Variants in NTRK3 observed in about 807,000 individuals in gnomAD.
NTRK3 encodes neurotrophic receptor tyrosine kinase 3.
Under a neutral mutation model 91.7 loss-of-function variants are expected in NTRK3, and 24 were observed. The observed-to-expected ratio is 0.26, with a 90% CI of 0.19 to 0.37. The LOEUF (loss-of-function observed/expected upper bound fraction) is 0.37. Ranked by LOEUF, NTRK3 falls within the 10% of genes least tolerant of loss-of-function variation. The pLI is 1.00. For synonymous variants in NTRK3, 483 were observed against 404.0 expected, an observed-to-expected ratio of 1.20 and a Z score of -2.34; for missense variants, 880 against 1,068.9, an observed-to-expected ratio of 0.82 and a Z score of 2.46.
chr15:87,891,918 G>C (rs758009464), intron 17 of NTRK3, among the ~76,000 whole-genome samples: 1 of 152,146 alleles, frequency 6.6e-6, no homozygotes, highest in Non-Finnish European at 1.5e-5. Flanking sequence ...CATGCAAGAG[G>C]TTTCAAACCA....
chr15:88,093,603 G>A (rs190537), intron 13 of NTRK3, among the ~76,000 whole-genome samples: 1 of 152,192 alleles, frequency 6.6e-6, no homozygotes, highest in Non-Finnish European at 1.5e-5. Flanking sequence ...TTCTGCCATA[G>A]CATACCTGTC....
chr15:88,114,266 C>A (rs1239597502), intron 13 of NTRK3, among the ~76,000 whole-genome samples: 1 of 152,164 alleles, frequency 6.6e-6, no homozygotes, highest in Non-Finnish European at 1.5e-5. Flanking sequence ...AGGTTCAATA[C>A]AGAAACCTCA....
chr15:88,222,262 A>G (rs11073769), intron 3 of NTRK3, among the ~76,000 whole-genome samples: 129,701 of 152,216 alleles, frequency 0.85, 55,529 homozygotes, highest in East Asian at 0.98. Context: ...TCTGAATCTG[A>G]CACATCACCC....
intron 13 of NTRK3, among the ~76,000 whole-genome samples, chr15:88,076,028 G>A (rs1007790135): frequency 2.0e-5 from 3 of 152,194 alleles, no homozygotes; most frequent in African/African-American, 7.2e-5. Context: ...GTAGATTTAG[G>A]AAGCATCACA....
At chr15:87,953,483 A>G (rs1156546442) in intron 14 of NTRK3, among the ~76,000 whole-genome samples, 1 of 152,234 alleles carries the variant, frequency 6.6e-6, no homozygotes, top group Non-Finnish European at 1.5e-5. Flanking sequence ...AGTCTCTGGG[A>G]AGATCCCAGA....
At chr15:87,919,432 T>A (rs1241044794) in intron 17 of NTRK3, among the ~76,000 whole-genome samples, 2 of 152,198 alleles carry the variant, frequency 1.3e-5, no homozygotes, top group African/African-American at 2.4e-5. Flanking sequence ...CCTCTCCACG[T>A]CATCTTCTCT....
In NTRK3 at chr15:88,050,503, GTGTGTGTGTGTGTA is replaced by G. The variant is rs1435448238; in HGVS notation, c.1397-17472_1397-17459del. ...ATATATACCGTGTGTGTGTGTGTGT[GTGTGTGTGTGTGTA>G]TGTGTGTGTGTGTTTGTATAGAAAG... On this transcript the variant is annotated intron_variant, in intron 13 of 18. Coordinates refer to ENST00000394480, the Ensembl canonical transcript of NTRK3. 3.1e-3 allele frequency among the ~76,000 whole-genome samples: 358 copies of G among 117,206 alleles called. 1 individual carries two copies. The highest frequency in any genetic ancestry group is 0.013 in the African/African-American group (338 of 25,554). 76.9% of individuals were successfully genotyped at this position (117,206 alleles called of 152,430 possible). A position where few individuals can be genotyped will look rare whatever the true frequency, so the allele number is the denominator to read the frequency against.
chr15:88,166,169 C>T (rs2044922554), intron 5 of NTRK3, among the ~76,000 whole-genome samples: 2 of 152,182 alleles, frequency 1.3e-5, no homozygotes, highest in South Asian at 4.1e-4. Flanking sequence ...TGTTCCTGCT[C>T]AGGATCCTTT....
chr15:87,996,899 G>A (rs997285929), intron 14 of NTRK3, among the ~76,000 whole-genome samples: 2 of 151,740 alleles, frequency 1.3e-5, no homozygotes, highest in Non-Finnish European at 2.9e-5. Context: ...ATTCTTTTGG[G>A]ACCTCACTGT....
intron 3 of NTRK3, among the ~76,000 whole-genome samples, chr15:88,215,993 G>C (rs2049731860): frequency 6.6e-6 from 1 of 152,138 alleles, no homozygotes; most frequent in African/African-American, 2.4e-5. Context: ...ATCCTATGCT[G>C]TCCCATTATA....
At chr15:87,973,524 G>T (rs1185649730) in intron 14 of NTRK3, among the ~76,000 whole-genome samples, 2 of 152,164 alleles carry the variant, frequency 1.3e-5, no homozygotes, top group African/African-American at 2.4e-5. Context: ...CTTGGGAGGT[G>T]GGAAGTATAG....
intron 3 of NTRK3, among the ~76,000 whole-genome samples, chr15:88,207,277 G>A (rs2048876389): frequency 1.3e-5 from 2 of 152,142 alleles, no homozygotes; most frequent in African/African-American, 4.8e-5. Context: ...GGGGATAGTT[G>A]TCCCATGAGC....
chr15:88,151,384 T>C, intron 5 of NTRK3, among the ~76,000 whole-genome samples: 1 of 152,164 alleles, frequency 6.6e-6, no homozygotes, highest in Non-Finnish European at 1.5e-5. Context: ...CCCTGGGCCC[T>C]GAGGAACGAC....
chr15:87,951,037 G>A (rs899108596), intron 14 of NTRK3, among the ~76,000 whole-genome samples: 2 of 152,128 alleles, frequency 1.3e-5, no homozygotes, highest in Non-Finnish European at 2.9e-5. Context: ...CCTCATAAAT[G>A]CATTAAATAG....
chr15:88,079,146 G>A (rs2047823251), intron 13 of NTRK3, among the ~76,000 whole-genome samples: 1 of 152,218 alleles, frequency 6.6e-6, no homozygotes, highest in South Asian at 2.1e-4. Context: ...AGGGATGGTG[G>A]CAGGAACTAG....
At position 88,091,450 on chromosome 15, in the gene NTRK3, T is replaced by C. The variant is rs192784122; in HGVS notation, c.1396+34821A>G. 2.1e-4 allele frequency among the ~76,000 whole-genome samples: 32 copies of C among 152,376 alleles called. 1 individual carries two copies. The East Asian group carries it at 6.2e-3, about 29-fold the overall frequency. The stretch of plus-strand genomic sequence containing the variant: ...ACTTATCGTTTCCTCTGCTCTCCTC[T>C]TACCCATTGATCAAATGGCAGTGGA... On this transcript the variant is annotated intron_variant, in intron 13 of 18. Transcript: ENST00000394480.
At chr15:88,193,699 C>T (rs557390046) in intron 3 of NTRK3, among the ~76,000 whole-genome samples, 3 of 152,326 alleles carry the variant, frequency 2.0e-5, no homozygotes, top group South Asian at 4.1e-4. Context: ...GGACTTTCTA[C>T]CCGGCCTCAA....
chr15:88,060,217 C>A (rs939758015), intron 13 of NTRK3, among the ~76,000 whole-genome samples: 3 of 151,598 alleles, frequency 2.0e-5, no homozygotes, highest in Non-Finnish European at 4.4e-5. Flanking sequence ...TCCATCTCTA[C>A]TAAAAAAAAT....
At chr15:88,190,906 TA>T (rs1424169348) in intron 3 of NTRK3, among the ~76,000 whole-genome samples, 1 of 152,182 alleles carries the variant, frequency 6.6e-6, no homozygotes, top group Admixed American at 6.5e-5. Flanking sequence ...GCATGTAAAG[TA>T]AGCGTAAATA....
Sources: gnomAD v4.1 joint callset for allele counts (sites outside exome capture counted in the v4.1 genomes callset) on GRCh38, gnomAD v4.1.1 for gene constraint, MANE v1.5 for transcripts, NCBI Gene and HGNC (gene_info 2026-07-23, HGNC 2026-07-21) for gene names.